PDE6A: variants seen among roughly 807,000 people sequenced by gnomAD.
PDE6A encodes the protein rod cGMP-specific 3',5'-cyclic phosphodiesterase subunit alpha.
Under a neutral mutation model 106.3 loss-of-function variants are expected in PDE6A, and 84 were observed. That is an observed-to-expected ratio of 0.79 (90% confidence interval 0.66 to 0.95). The LOEUF (loss-of-function observed/expected upper bound fraction) is 0.95, where lower values mean the gene tolerates loss of function less well. PDE6A is among the 40% of genes least tolerant of loss of function. PDE6A has a pLI of 0.00. For missense variants in PDE6A, 1,052 were observed against 1,084.9 expected (o/e 0.97, Z 0.43); for synonymous variants, 394 against 386.6 (o/e 1.02, Z -0.23).
chr5:149,932,685 A>G, intron 3 of PDE6A: 3 of 1,608,916 alleles, frequency 1.9e-6, no homozygotes, highest in East Asian at 4.5e-5. Context: ...GCAGTGGGAG[A>G]AGGAAATGCT....
At chr5:149,869,114 G>T (rs962964140) in intron 17 of PDE6A, among the ~76,000 whole-genome samples, 1 of 152,210 alleles carries the variant, frequency 6.6e-6, no homozygotes, top group Non-Finnish European at 1.5e-5. Flanking sequence ...CGGATCACTT[G>T]CAGTCTGGAG....
In PDE6A at chr5:149,941,609, C is replaced by T. The variant is rs1029977540; in HGVS notation, c.474+2591G>A. ...GTAAAGCACAAAGAAAAACACATCA[C>T]CTCTGTGCTGCTCCTGCCGGAAATG... is the stretch of plus-strand genomic sequence containing the variant. On this transcript the variant is annotated intron_variant, in intron 1 of 21. Coordinates refer to ENST00000255266, the MANE Select transcript of PDE6A (RefSeq NM_000440.3). Among the ~76,000 whole-genome samples, 3 of 152,336 alleles carry T rather than the reference C, an allele frequency of 2.0e-5. No homozygotes were observed. In the East Asian group the frequency reaches 5.8e-4, roughly 29 times the overall value.
chr5:149,924,265 C>T (rs1753812946), intron 4 of PDE6A, among the ~76,000 whole-genome samples: 1 of 151,898 alleles, frequency 6.6e-6, no homozygotes, highest in Non-Finnish European at 1.5e-5. Context: ...CTAGAGGAGC[C>T]CAGAAGAAGA....
At chr5:149,898,313 CTG>C in intron 10 of PDE6A, 48 bp downstream of exon 10, 2 of 1,591,806 alleles carry the variant, frequency 1.3e-6, no homozygotes, top group Non-Finnish European at 1.7e-6. Context: ...GGCCACATCT[CTG>C]AGACGCAGTC....
intron 5 of PDE6A, among the ~76,000 whole-genome samples, chr5:149,918,987 C>CA (rs1164085600): frequency 1.7e-4 from 26 of 152,226 alleles, no homozygotes; most frequent in African/African-American, 5.3e-4. Flanking sequence ...TTCTAGAAAG[C>CA]AAAGGTGGCT....
intron 13 of PDE6A, among the ~76,000 whole-genome samples, chr5:149,886,744 G>C (rs1319597596): frequency 6.6e-6 from 1 of 152,216 alleles, no homozygotes; most frequent in African/African-American, 2.4e-5. Context: ...AGGATTTGGA[G>C]AGTTTCTGAA....
Position 149,863,044 on chromosome 5 carries a change from C to T in PDE6A, c.2506+75G>A, listed in dbSNP as rs930967370. 6.4e-7 allele frequency: 1 copy of T among 1,573,954 alleles called. No individual in the cohort carries two copies. Among genetic ancestry groups the T allele is most frequent in the South Asian group, 1.1e-5 (1 of 90,100 alleles). On this transcript the variant is annotated intron_variant, in intron 21 of 21. Coordinates refer to ENST00000255266, the MANE Select transcript of PDE6A (RefSeq NM_000440.3). This position sits in a 1 kb window ranked among gnomAD's most constrained non-coding sequence, Gnocchi z 4.7. ...CCTGAATGAGACTCCGTGTAAGAGT[C>T]TCTGAGGCAGGACGCAGACACTGAG...
At chr5:149,877,809 C>T (rs1436503029) in intron 17 of PDE6A, among the ~76,000 whole-genome samples, 1 of 152,196 alleles carries the variant, frequency 6.6e-6, no homozygotes, top group Admixed American at 6.5e-5. Context: ...GGTCCATTTA[C>T]ACATGAATTT....
At chr5:149,890,513 A>G (rs991317266) in intron 13 of PDE6A, among the ~76,000 whole-genome samples, 4 of 152,240 alleles carry the variant, frequency 2.6e-5, no homozygotes, top group Non-Finnish European at 5.9e-5. Flanking sequence ...ATAGAAATCT[A>G]GTATTCCTGG....
In PDE6A at chr5:149,860,629, A is replaced by G. The variant is rs560610090; in HGVS notation, c.*266T>C. ...ACAAATTCATAAACTTTCTTAAAAC[A>G]TTATGAAATTTTTTTTTTTGGCGAT... On this transcript the variant is annotated 3_prime_UTR_variant, in exon 22 of 22. Coordinates refer to ENST00000255266, the MANE Select transcript of PDE6A (RefSeq NM_000440.3). The G allele has an allele frequency of 2.4e-6, 1 of 410,622 alleles. No individual in the cohort carries two copies. The highest frequency in any genetic ancestry group is 2.0e-5 in the African/African-American group (1 of 49,620). 25.4% of individuals were successfully genotyped at this position (410,622 alleles called of 1,614,324 possible). A position where few individuals can be genotyped will look rare whatever the true frequency, so the allele number is the denominator to read the frequency against.
At chr5:149,893,397 A>T (rs1210838338) in intron 13 of PDE6A, among the ~76,000 whole-genome samples, 4 of 152,196 alleles carry the variant, frequency 2.6e-5, no homozygotes, top group African/African-American at 7.2e-5. Context: ...CTAGACAGGG[A>T]TCATAGATCA....
At chr5:149,933,814 TG>T in intron 3 of PDE6A, 115 bp downstream of exon 3, 1 of 741,402 alleles carries the variant, frequency 1.3e-6, no homozygotes, top group Non-Finnish European at 2.4e-6. Flanking sequence ...CTCGTGATGC[TG>T]GCCAGAGACT....
chr5:149,892,770 T>G (rs1200498303), intron 13 of PDE6A, among the ~76,000 whole-genome samples: 1 of 152,104 alleles, frequency 6.6e-6, no homozygotes, highest in African/African-American at 2.4e-5. Context: ...TGTGAGCCAC[T>G]GCACCCAGCC....
At chr5:149,875,580 C>T (rs1760710914) in intron 17 of PDE6A, among the ~76,000 whole-genome samples, 1 of 151,298 alleles carries the variant, frequency 6.6e-6, no homozygotes, top group African/African-American at 2.4e-5. Flanking sequence ...GCCTCAACCT[C>T]TCGGGCTCAA....
At position 149,917,609 on chromosome 5, in the gene PDE6A, T is replaced by C. The variant is rs568469065; in HGVS notation, c.934-2602A>G. ...AAGGCAGAAGCTGAAACCACTCCAA[T>C]GGCACAGGCTACCCCCAGGGGTAGT... On this transcript the variant is annotated intron_variant, in intron 5 of 21. Coordinates refer to ENST00000255266, the MANE Select transcript of PDE6A (RefSeq NM_000440.3). Among the ~76,000 whole-genome samples, 3 of 152,218 alleles carry C rather than the reference T, an allele frequency of 2.0e-5. No homozygotes were observed. The East Asian group carries it at 5.8e-4, about 29-fold the overall frequency.
rs554192149 is a variant in PDE6A, at chr5:149,944,271, G to A, written c.403C>T (p.Pro135Ser). ...LVMPDQEIVF[P>S]LDMGIVGHVA... ...TGGCCCACGATGCCCATGTCCAAAG[G>A]GAAGACGATCTCTTGGTCGGGCATC... The change falls in exon 1 of 22, where the codon CCT becomes TCT. Residue 135 changes from proline (P) to serine (S), a missense_variant. Around this residue, in one of 3 missense-constraint regions of PDE6A, gnomAD observed 913 missense variants for 915.2 expected, o/e 1.00. Transcript: ENST00000255266. The A allele has an allele frequency of 5.0e-6, 8 of 1,613,906 alleles. No homozygotes were observed. In the African/African-American group the frequency reaches 5.3e-5, roughly 11 times the overall value.
rs372284054 is a variant in PDE6A, at chr5:149,929,367, G to A, written c.858+1661C>T. The stretch of plus-strand genomic sequence containing the variant: ...CACGCCTGTAATCCCAGCACTTTGG[G>A]AGGCCGAGGCAGGCGGATCACGAGG... On this transcript the variant is annotated intron_variant, in intron 4 of 21. Coordinates refer to ENST00000255266, the MANE Select transcript of PDE6A (RefSeq NM_000440.3). Among the ~76,000 whole-genome samples the A allele has an allele frequency of 3.9e-5, 6 of 152,284 alleles. 2 individuals carry two copies. The highest frequency in any genetic ancestry group is 1.9e-4 in the East Asian group (1 of 5,188).
In PDE6A at chr5:149,907,298, G is replaced by A; in HGVS notation, c.1065+14C>T. ...TGATCCAAAACTCTCCCCCTTCAAA[G>A]TTATATTACTTACCAGGCCATTCTG... On this transcript the variant is annotated intron_variant, in intron 7 of 21. Coordinates refer to ENST00000255266, the MANE Select transcript of PDE6A (RefSeq NM_000440.3). 3 of 1,599,324 alleles carry A rather than the reference G, an allele frequency of 1.9e-6. No homozygotes were observed. Among genetic ancestry groups the A allele is most frequent in the South Asian group, 2.2e-5 (2 of 90,782 alleles).
chr5:149,871,576 T>A (rs245082), intron 17 of PDE6A, among the ~76,000 whole-genome samples: 13 of 151,616 alleles, frequency 8.6e-5, no homozygotes, highest in African/African-American at 1.7e-4. Flanking sequence ...AAGGAAGCCC[T>A]GCACAAAGAG....
Sources: allele counts gnomAD v4.1 joint callset (sites outside exome capture counted in the v4.1 genomes callset), GRCh38; gene constraint gnomAD v4.1.1; regional missense constraint gnomAD v4.1.1; non-coding constraint Gnocchi (gnomAD v3.1); transcripts MANE v1.5; gene names NCBI Gene and HGNC (gene_info 2026-07-23, HGNC 2026-07-21).